Variants in NALF1 observed in about 807,000 individuals in gnomAD.
NALF1 encodes the protein NALCN channel auxiliary factor 1, also known as family with sequence similarity 155 member A.
In NALF1, 3 loss-of-function variants were observed where a neutral mutation model predicts 48.4. The observed-to-expected ratio is 0.06, with a 90% CI of 0.03 to 0.16. The LOEUF (loss-of-function observed/expected upper bound fraction) is 0.16, where lower values mean the gene tolerates loss of function less well. NALF1 is among the 10% of genes least tolerant of loss of function. NALF1 has a pLI of 1.00. For synonymous variants in NALF1, 262 were observed against 245.7 expected (o/e 1.07, Z -0.62); for missense variants, 526 against 571.5 (o/e 0.92, Z 0.81).
intron 1 of NALF1, among the ~76,000 whole-genome samples, chr13:107,670,475 C>A (rs1298254046): frequency 6.6e-6 from 1 of 152,114 alleles, no homozygotes; most frequent in Admixed American, 6.6e-5. Flanking sequence ...ACTATCTTTT[C>A]TCGAGGCTAT....
intron 1 of NALF1, among the ~76,000 whole-genome samples, chr13:107,337,498 A>G (rs766592450): frequency 1.3e-5 from 2 of 152,098 alleles, no homozygotes; most frequent in Non-Finnish European, 2.9e-5. Flanking sequence ...TCGAAATGTA[A>G]TGTGTCCCCT....
chr13:107,260,434 T>C (rs1880907859), intron 1 of NALF1, among the ~76,000 whole-genome samples: 1 of 152,240 alleles, frequency 6.6e-6, no homozygotes, highest in Admixed American at 6.5e-5. Context: ...TTATTTGATA[T>C]GGGCAATGTT....
rs1206430523 is a variant in NALF1 at position 107,462,166 on chromosome 13, A to AT, written c.916-251412dup. Among the ~76,000 whole-genome samples the AT allele has an allele frequency of 9.9e-5, 15 of 151,954 alleles. 1 individual carries two copies. Among genetic ancestry groups the AT allele is most frequent in the Admixed American group, 2.0e-4 (3 of 15,254 alleles). ...TTTTGTGTACTCCAAGTTAAAGATC[A>AT]TTTTTTTTGTGTGTCCTACAGTAAC... On this transcript the variant is annotated intron_variant, in intron 1 of 2. Transcript: ENST00000375915.
At chr13:107,530,292 C>A (rs900751920) in intron 1 of NALF1, among the ~76,000 whole-genome samples, 6 of 152,094 alleles carry the variant, frequency 3.9e-5, no homozygotes, top group African/African-American at 1.4e-4. Context: ...TAGCATATAT[C>A]CCAATCCATA....
At chr13:107,670,350 G>A (rs1048878852) in intron 1 of NALF1, among the ~76,000 whole-genome samples, 7 of 151,996 alleles carry the variant, frequency 4.6e-5, no homozygotes, top group African/African-American at 1.2e-4. Context: ...AGGAAGGGTC[G>A]TAGTATCTCA....
At chr13:107,354,979 T>C (rs1376701034) in intron 1 of NALF1, among the ~76,000 whole-genome samples, 1 of 152,152 alleles carries the variant, frequency 6.6e-6, no homozygotes, top group Admixed American at 6.5e-5. Flanking sequence ...ACTCAAGGTT[T>C]GGAGAGGACT....
chr13:107,647,011 A>G (rs1438175088), intron 1 of NALF1, among the ~76,000 whole-genome samples: 3 of 152,118 alleles, frequency 2.0e-5, no homozygotes, highest in African/African-American at 7.2e-5. Context: ...ATTACCACTC[A>G]TTGGGTAAAG....
intron 1 of NALF1, among the ~76,000 whole-genome samples, chr13:107,709,350 C>T (rs184217350): frequency 2.6e-5 from 4 of 152,274 alleles, no homozygotes; most frequent in Admixed American, 6.5e-5. Context: ...CGTGTCAGCA[C>T]GGTCTGAGGA....
chr13:107,591,222 C>T (rs999161354), intron 1 of NALF1, among the ~76,000 whole-genome samples: 11 of 151,812 alleles, frequency 7.2e-5, no homozygotes, highest in African/African-American at 2.2e-4. Flanking sequence ...AGTATAAGAT[C>T]GAGTATGGAT....
chr13:107,449,248 A>C (rs1308749381), intron 1 of NALF1, among the ~76,000 whole-genome samples: 2 of 152,100 alleles, frequency 1.3e-5, no homozygotes, highest in African/African-American at 2.4e-5. Flanking sequence ...TGTCTCAAAA[A>C]AAGAATAAAA....
intron 1 of NALF1, among the ~76,000 whole-genome samples, chr13:107,700,413 T>C (rs1480608380): frequency 1.3e-5 from 2 of 151,414 alleles, no homozygotes; most frequent in African/African-American, 4.8e-5. Context: ...GTTTATTAAG[T>C]AAATGATGCT....
intron 1 of NALF1, among the ~76,000 whole-genome samples, chr13:107,440,633 T>C (rs959588278): frequency 1.3e-5 from 2 of 152,214 alleles, no homozygotes; most frequent in South Asian, 2.1e-4. Context: ...AATTAAATAC[T>C]AGAAAACTGA....
At chr13:107,372,681 T>C (rs970558501) in intron 1 of NALF1, among the ~76,000 whole-genome samples, 2 of 152,162 alleles carry the variant, frequency 1.3e-5, no homozygotes, top group African/African-American at 4.8e-5. Context: ...GATAAGATAA[T>C]AGAAAACATT....
chr13:107,227,054 C>G (rs1215398712), intron 1 of NALF1, among the ~76,000 whole-genome samples: 1 of 152,172 alleles, frequency 6.6e-6, no homozygotes, highest in Non-Finnish European at 1.5e-5. Flanking sequence ...TTTGACAAAA[C>G]AGAAGAAAAG....
intron 1 of NALF1, among the ~76,000 whole-genome samples, chr13:107,791,782 C>G (rs949948536): frequency 5.3e-5 from 8 of 151,356 alleles, no homozygotes; most frequent in Non-Finnish European, 1.0e-4. Flanking sequence ...GATCCCCGCC[C>G]CCCCCCGTCT....
At chr13:107,284,520 T>G (rs948553153) in intron 1 of NALF1, among the ~76,000 whole-genome samples, 1 of 151,976 alleles carries the variant, frequency 6.6e-6, no homozygotes, top group African/African-American at 2.4e-5. Context: ...AACTAAAATA[T>G]CAGTAAGAGA....
At chr13:107,620,006 T>C (rs1321381315) in intron 1 of NALF1, among the ~76,000 whole-genome samples, 1 of 152,238 alleles carries the variant, frequency 6.6e-6, no homozygotes, top group Non-Finnish European at 1.5e-5. Flanking sequence ...TGTGTGTTCA[T>C]TATTATGTAA....
chr13:107,193,086 T>C (rs1017794768), intron 2 of NALF1, among the ~76,000 whole-genome samples: 1 of 152,174 alleles, frequency 6.6e-6, no homozygotes, highest in Admixed American at 6.5e-5. Flanking sequence ...GCATATTTAA[T>C]GGTTTGAAAC....
At chr13:107,571,705 G>C in intron 1 of NALF1, among the ~76,000 whole-genome samples, 1 of 152,300 alleles carries the variant, frequency 6.6e-6, no homozygotes, top group East Asian at 1.9e-4. Flanking sequence ...AATGGGGAAA[G>C]TATTATAGAA....
Sources: gnomAD v4.1 joint callset for allele counts (sites outside exome capture counted in the v4.1 genomes callset) on GRCh38, gnomAD v4.1.1 for gene constraint, MANE v1.5 for transcripts, NCBI Gene and HGNC (gene_info 2026-07-23, HGNC 2026-07-21) for gene names.